BHMT2: variants seen among roughly 807,000 people sequenced by gnomAD.
BHMT2 encodes the protein S-methylmethionine--homocysteine S-methyltransferase BHMT2.
BHMT2 carries 28 observed loss-of-function variants against 39.0 expected under a neutral mutation model. The observed-to-expected ratio is 0.72, with a 90% CI of 0.53 to 0.98. BHMT2 has a LOEUF of 0.98. Among genes scored for constraint, BHMT2 ranks in the 50% least tolerant of loss-of-function variants. The pLI, the probability that BHMT2 is intolerant of heterozygous loss-of-function variation, is 0.00. For missense variants in BHMT2, 410 were observed against 455.6 expected (o/e 0.90, Z 0.91); for synonymous variants, 145 against 160.6 (o/e 0.90, Z 0.74).
chr5:79,070,789 A>C (rs1290271449), intron 1 of BHMT2, among the ~76,000 whole-genome samples: 1 of 152,246 alleles, frequency 6.6e-6, no homozygotes, highest in African/African-American at 2.4e-5. Context: ...TGCCTTGGCA[A>C]TGTTAAGTTG....
intron 2 of BHMT2, chr5:79,077,818 A>C: frequency 2.2e-6 from 1 of 453,832 alleles, no homozygotes; most frequent in East Asian, 4.0e-5. Context: ...ACCTACCCAC[A>C]TCACACACCC....
Position 79,083,241 on chromosome 5 carries a change from G to T in BHMT2, c.648G>T (p.Leu216Phe). Residue 216 changes from leucine to phenylalanine, a missense_variant, in exon 6 of 8, where the codon TTG becomes TTT. Leu to Phe is a conservative substitution (Grantham distance 22). Coordinates refer to ENST00000255192, the MANE Select transcript of BHMT2 (RefSeq NM_017614.5). Reference sequence around the variant, plus strand: ...GCCGCTTTGGGCCCGACACCAGCTTGAAGACGATGGAGCTCATGAAGGAGG... The same window carrying T: ...GCCGCTTTGGGCCCGACACCAGCTTTAAGACGATGGAGCTCATGAAGGAGG... ...VNCRFGPDTS[L>F]KTMELMKEGL... 6.2e-7 allele frequency: 1 copy of T among 1,614,190 alleles called. No individual in the cohort carries two copies. Among genetic ancestry groups the T allele is most frequent in the Middle Eastern group, 1.6e-4 (1 of 6,062 alleles).
intron 7 of BHMT2, among the ~76,000 whole-genome samples, chr5:79,085,574 G>C (rs1452176984): frequency 6.6e-6 from 1 of 152,228 alleles, no homozygotes; most frequent in Non-Finnish European, 1.5e-5. Flanking sequence ...CCAACTACTC[G>C]GGAGGCTGAG....
At chr5:79,082,057 C>A (rs1348389065) in intron 4 of BHMT2, among the ~76,000 whole-genome samples, 1 of 152,188 alleles carries the variant, frequency 6.6e-6, no homozygotes, top group Non-Finnish European at 1.5e-5. Flanking sequence ...TGTTTAAGAA[C>A]CCGTCTTTTG....
At chr5:79,079,719 A>G (rs536244709) in intron 3 of BHMT2, among the ~76,000 whole-genome samples, 2 of 152,290 alleles carry the variant, frequency 1.3e-5, no homozygotes, top group Admixed American at 1.3e-4. Flanking sequence ...AACATGGTGA[A>G]ACCCTGTCTC....
intron 7 of BHMT2, among the ~76,000 whole-genome samples, chr5:79,088,057 G>T (rs1755933847): frequency 6.6e-6 from 1 of 152,182 alleles, no homozygotes; most frequent in African/African-American, 2.4e-5. Context: ...GTGCACGCCA[G>T]TAGTCCCAGC....
At chr5:79,071,873 A>T (rs2112691608) in intron 1 of BHMT2, among the ~76,000 whole-genome samples, 1 of 152,008 alleles carries the variant, frequency 6.6e-6, no homozygotes, top group African/African-American at 2.4e-5. Flanking sequence ...CTGGTATAGT[A>T]ATTAATTGAG....
At chr5:79,087,628 A>C (rs561138) in intron 7 of BHMT2, among the ~76,000 whole-genome samples, 78,907 of 151,916 alleles carry the variant, frequency 0.52, 22,144 homozygotes, top group Non-Finnish European at 0.61. Context: ...TTGTAAGTAA[A>C]GTGGAAAAAA....
intron 4 of BHMT2, chr5:79,081,089 G>A (rs1755779314): frequency 4.1e-6 from 2 of 488,706 alleles, no homozygotes; most frequent in South Asian, 3.8e-5. Flanking sequence ...CCCAAGAGAG[G>A]CCTGACCATA....
At chr5:79,073,925 T>C (rs927591140) in intron 1 of BHMT2, among the ~76,000 whole-genome samples, 1 of 152,176 alleles carries the variant, frequency 6.6e-6, no homozygotes, top group Non-Finnish European at 1.5e-5. Flanking sequence ...GGATAAGAAC[T>C]AGCATCCCCA....
At chr5:79,079,551 A>G (rs906667840) in intron 3 of BHMT2, 91 bp downstream of exon 3, 18 of 879,222 alleles carry the variant, frequency 2.0e-5, no homozygotes, top group Admixed American at 2.0e-4. Context: ...ATGTGTTACT[A>G]TACTTTATTA....
At chr5:79,084,367 C>G (rs1354731829) in intron 7 of BHMT2, among the ~76,000 whole-genome samples, 1 of 152,072 alleles carries the variant, frequency 6.6e-6, no homozygotes, top group Non-Finnish European at 1.5e-5. Flanking sequence ...ACCTCTGCCC[C>G]CCAGGTTCAA....
intron 1 of BHMT2, among the ~76,000 whole-genome samples, chr5:79,070,029 A>G (rs7718728): frequency 0.09 from 13,772 of 152,230 alleles, 691 homozygotes; most frequent in Middle Eastern, 0.12. Context: ...TGCTGTGCTC[A>G]AGTTATCTCC....
rs1279111750 is a variant in BHMT2 at position 79,090,039 on chromosome 5, A to G, written c.*1465A>G. Among the ~76,000 whole-genome samples the G allele has an allele frequency of 1.3e-5, 2 of 152,208 alleles. No individual in the cohort carries two copies. The highest frequency in any genetic ancestry group is 4.8e-5 in the African/African-American group (2 of 41,450). On this transcript the variant is annotated 3_prime_UTR_variant, in exon 8 of 8. Coordinates refer to ENST00000255192, the MANE Select transcript of BHMT2 (RefSeq NM_017614.5). ...CTCTTTTTTTCACAACAATTTATCA[A>G]TTTGTGGCAATAAAAATGATTTACC...
Position 79,089,531 on chromosome 5 carries a change from T to G in BHMT2, c.*957T>G, listed in dbSNP as rs1350504264. The G allele has an allele frequency of 6.6e-6, 1 of 152,166 alleles. No individual in the cohort carries two copies. The highest frequency in any genetic ancestry group is 1.5e-5 in the Non-Finnish European group (1 of 68,020). The allele number at this position is 152,166 out of a possible 1,614,324, so 9.4% of individuals were successfully genotyped here. ...TCATAGGTAGCTAGGTTATAAACTA[T>G]TTAAAGACAAGATCACGTGATAAGC... On this transcript the variant is annotated 3_prime_UTR_variant, in exon 8 of 8. Coordinates refer to ENST00000255192, the MANE Select transcript of BHMT2 (RefSeq NM_017614.5).
intron 3 of BHMT2, among the ~76,000 whole-genome samples, chr5:79,080,296 A>C (rs1010741032): frequency 6.6e-6 from 1 of 152,232 alleles, no homozygotes; most frequent in Admixed American, 6.5e-5. Context: ...AAGTATTGTG[A>C]AATATTCTGC....
intron 5 of BHMT2, 66 bp downstream of exon 5, chr5:79,083,022 T>C (rs1755819454): frequency 1.9e-6 from 3 of 1,600,444 alleles, no homozygotes; most frequent in Non-Finnish European, 2.6e-6. Context: ...AAAGTGTGCT[T>C]GATATTGTGA....
intron 4 of BHMT2, 56 bp downstream of exon 4, chr5:79,080,934 A>C: frequency 6.9e-7 from 1 of 1,448,106 alleles, no homozygotes; most frequent in Admixed American, 2.5e-5. Flanking sequence ...ATAACTGCAG[A>C]GTCTTCACAT....
At chr5:79,079,272 T>C (rs1755735841) in intron 2 of BHMT2, 97 bp from the exon 3 acceptor site, 3 of 813,988 alleles carry the variant, frequency 3.7e-6, no homozygotes, top group African/African-American at 3.5e-5. Flanking sequence ...TTGAAAGAGA[T>C]GGGAGTCAGT....
Sources: gnomAD v4.1 joint callset for allele counts (sites outside exome capture counted in the v4.1 genomes callset) on GRCh38, gnomAD v4.1.1 for gene constraint, MANE v1.5 for transcripts, NCBI Gene and HGNC (gene_info 2026-07-23, HGNC 2026-07-21) for gene names.